TLL1: variants seen among roughly 807,000 people sequenced by gnomAD.
The protein encoded by TLL1 is tolloid like 1.
Under a neutral mutation model 128.2 loss-of-function variants are expected in TLL1, and 49 were observed. That is an observed-to-expected ratio of 0.38 (90% CI 0.30 to 0.48). The LOEUF is 0.48. TLL1 is among the 20% of genes least tolerant of loss of function. The pLI, the probability that TLL1 is intolerant of heterozygous loss-of-function variation, is 0.96. For missense variants in TLL1, 1,123 were observed against 1,242.0 expected (o/e 0.90, Z 1.44); for synonymous variants, 454 against 418.8 (o/e 1.08, Z -1.03).
At chr4:165,943,614 G>A (rs1325013113) in intron 1 of TLL1, among the ~76,000 whole-genome samples, 1 of 151,978 alleles carries the variant, frequency 6.6e-6, no homozygotes, top group Non-Finnish European at 1.5e-5. Context: ...AGTTCTAGCT[G>A]TGGTTATTTG....
At chr4:165,931,657 T>C (rs1733528107) in intron 1 of TLL1, among the ~76,000 whole-genome samples, 1 of 150,004 alleles carries the variant, frequency 6.7e-6, no homozygotes, top group Admixed American at 6.8e-5. Flanking sequence ...AGGTGGAGCT[T>C]GCAGTGAGCT....
intron 12 of TLL1, among the ~76,000 whole-genome samples, chr4:166,046,335 T>A (rs1375637043): frequency 1.3e-5 from 2 of 152,176 alleles, no homozygotes; most frequent in Admixed American, 6.5e-5. Flanking sequence ...GAAGTTAGAC[T>A]GACTTTAGAC....
intron 9 of TLL1, among the ~76,000 whole-genome samples, chr4:166,038,197 C>T (rs1170161480): frequency 1.3e-5 from 2 of 151,972 alleles, no homozygotes; most frequent in Admixed American, 6.6e-5. Context: ...TTTTTATTTT[C>T]CTTCTTTCTT....
intron 1 of TLL1, among the ~76,000 whole-genome samples, chr4:165,896,095 C>G (rs533801548): frequency 5.3e-5 from 8 of 152,152 alleles, no homozygotes; most frequent in South Asian, 2.1e-4. Flanking sequence ...CCCCCTACCC[C>G]CAAGAGGCCC....
chr4:165,989,651 T>C (rs184713154), intron 2 of TLL1, among the ~76,000 whole-genome samples, 160 bp downstream of exon 2: 1 of 139,514 alleles, frequency 7.2e-6, no homozygotes, highest in East Asian at 2.0e-4. Flanking sequence ...ATTCATAGTT[T>C]TCATTTTATT....
chr4:166,025,897 C>A (rs1738471525), intron 9 of TLL1, among the ~76,000 whole-genome samples: 1 of 151,872 alleles, frequency 6.6e-6, no homozygotes. Context: ...TTAAATACTA[C>A]AGTAGGAAAT....
chr4:166,061,796 C>G (rs1380139716), intron 15 of TLL1, among the ~76,000 whole-genome samples: 1 of 152,032 alleles, frequency 6.6e-6, no homozygotes, highest in Non-Finnish European at 1.5e-5. Context: ...CTTGTTCATG[C>G]CTATGTTCTG....
chr4:165,918,373 T>A (rs1438973537), intron 1 of TLL1, among the ~76,000 whole-genome samples: 1 of 152,114 alleles, frequency 6.6e-6, no homozygotes, highest in East Asian at 1.9e-4. Flanking sequence ...TCATTTGGAA[T>A]TTCAGATTTG....
At chr4:166,027,847 A>G (rs901958174) in intron 9 of TLL1, among the ~76,000 whole-genome samples, 3 of 152,148 alleles carry the variant, frequency 2.0e-5, no homozygotes, top group Non-Finnish European at 4.4e-5. Context: ...GTCCAATTCC[A>G]AAACTCTCGC....
At chr4:165,998,423 C>A (rs1736985797) in intron 5 of TLL1, among the ~76,000 whole-genome samples, 1 of 152,030 alleles carries the variant, frequency 6.6e-6, no homozygotes, top group African/African-American at 2.4e-5. Flanking sequence ...TTACAGTTAA[C>A]CTGTTTCACT....
intron 12 of TLL1, among the ~76,000 whole-genome samples, chr4:166,054,367 T>C (rs1027849436): frequency 6.6e-6 from 1 of 152,212 alleles, no homozygotes; most frequent in African/African-American, 2.4e-5. Flanking sequence ...AGTATTTGAA[T>C]CCAAATCTTC....
At chr4:166,090,905 A>G (rs1255742646) in intron 18 of TLL1, among the ~76,000 whole-genome samples, 1 of 152,104 alleles carries the variant, frequency 6.6e-6, no homozygotes, top group African/African-American at 2.4e-5. Flanking sequence ...TTAATAGCCA[A>G]ATAGTGGAAT....
At chr4:165,904,516 T>A (rs1483982165) in intron 1 of TLL1, among the ~76,000 whole-genome samples, 4 of 152,148 alleles carry the variant, frequency 2.6e-5, no homozygotes, top group Non-Finnish European at 2.9e-5. Flanking sequence ...AAGGAGGAAT[T>A]AGAGGAGACA....
At chr4:166,018,636 G>A (rs1431592209) in intron 8 of TLL1, among the ~76,000 whole-genome samples, 1 of 152,024 alleles carries the variant, frequency 6.6e-6, no homozygotes, top group African/African-American at 2.4e-5. Flanking sequence ...TTTAAAAAAT[G>A]GGCAAAGGAT....
At position 166,103,405 on chromosome 4, in the gene TLL1, T is replaced by G. The variant is rs1742375662; in HGVS notation, c.*2529T>G. 6.6e-6 allele frequency: 1 copy of G among 151,878 alleles called. No homozygotes were observed. Among genetic ancestry groups the G allele is most frequent in the South Asian group, 2.1e-4 (1 of 4,832 alleles). 9.4% of individuals were successfully genotyped at this position (151,878 alleles called of 1,614,324 possible). A position where few individuals can be genotyped will look rare whatever the true frequency, so the allele number is the denominator to read the frequency against. On this transcript the variant is annotated 3_prime_UTR_variant, in exon 21 of 21. Transcript: ENST00000061240. ...CTATAGTTTGGAGTTAGTATGAGCC[T>G]TTTGTGAAAATAAATATATTAAATT...
rs77873599 is a variant in TLL1, at chr4:166,055,721, C to T, written c.1720+450C>T. 2.4e-3 allele frequency among the ~76,000 whole-genome samples: 364 copies of T among 152,152 alleles called. 2 individuals are homozygous for T. Among genetic ancestry groups the T allele is most frequent in the African/African-American group, 8.3e-3 (343 of 41,516 alleles). On this transcript the variant is annotated intron_variant, in intron 13 of 20. Transcript: ENST00000061240. ...CAGAATATTCTGGTATCTCAAATGT[C>T]TTTTTGACAGATAATTATCTCTGAT...
chr4:165,937,093 A>G (rs1417630666), intron 1 of TLL1, among the ~76,000 whole-genome samples: 1 of 152,230 alleles, frequency 6.6e-6, no homozygotes, highest in Non-Finnish European at 1.5e-5. Flanking sequence ...AAACTCAGGA[A>G]AAGAATAGAC....
intron 12 of TLL1, among the ~76,000 whole-genome samples, chr4:166,046,724 G>A (rs899611906): frequency 1.3e-5 from 2 of 152,176 alleles, no homozygotes; most frequent in Admixed American, 6.5e-5. Flanking sequence ...TTGGGTAAGA[G>A]TTCAGTATTA....
intron 3 of TLL1, among the ~76,000 whole-genome samples, chr4:165,993,865 C>T (rs1005597984): frequency 7.2e-5 from 11 of 152,072 alleles, no homozygotes; most frequent in African/African-American, 2.7e-4. Flanking sequence ...GTACGGGAGG[C>T]TGAGACCATA....
Sources: gnomAD v4.1 joint callset for allele counts (sites outside exome capture counted in the v4.1 genomes callset) on GRCh38, gnomAD v4.1.1 for gene constraint, MANE v1.5 for transcripts, NCBI Gene and HGNC (gene_info 2026-07-23, HGNC 2026-07-21) for gene names.